GPD1L: variants seen among roughly 807,000 people sequenced by gnomAD.
The protein encoded by GPD1L is glycerol-3-phosphate dehydrogenase 1-like protein.
GPD1L carries 17 observed loss-of-function variants against 32.9 expected under a neutral mutation model. The ratio of observed to expected loss-of-function variants is 0.52; its 90% CI spans 0.35 to 0.78. The LOEUF (loss-of-function observed/expected upper bound fraction) is 0.78, where lower values mean the gene tolerates loss of function less well. GPD1L is among the 30% of genes least tolerant of loss of function. GPD1L has a pLI of 0.01. For missense variants in GPD1L, 361 were observed against 447.8 expected, an observed-to-expected ratio of 0.81 and a Z score of 1.75; for synonymous variants, 187 against 165.9, an observed-to-expected ratio of 1.13 and a Z score of -0.98.
At chr3:32,150,217 T>A (rs976844305) in intron 5 of GPD1L, among the ~76,000 whole-genome samples, 1 of 152,218 alleles carries the variant, frequency 6.6e-6, no homozygotes, top group African/African-American at 2.4e-5. Flanking sequence ...ATGCACTCTT[T>A]TGTGTCTGGC....
chr3:32,123,827 TAGATAGATAGATAGAC>T lies in GPD1L; in HGVS notation c.48-4245_48-4230del, dbSNP rs1487511917. Reference sequence around the variant, plus strand: ...ATAGATAGATAGATAGATAGATAGATAGATAGATAGATAGACAGACAGATAAGACCCATGCCTGACT... The same window carrying T: ...ATAGATAGATAGATAGATAGATAGATAGACAGATAAGACCCATGCCTGACT... On this transcript the variant is annotated intron_variant, in intron 1 of 7. Transcript: ENST00000282541. 9.3e-4 allele frequency among the ~76,000 whole-genome samples: 138 copies of T among 148,920 alleles called. 1 individual carries two copies. The highest frequency in any genetic ancestry group is 3.3e-3 in the African/African-American group (133 of 40,726).
Position 32,112,357 on chromosome 3 carries a change from G to A in GPD1L, c.47+5599G>A, listed in dbSNP as rs889311647. Among the ~76,000 whole-genome samples the A allele has an allele frequency of 6.9e-5, 10 of 145,178 alleles. 2 individuals carry two copies. The highest frequency in any genetic ancestry group is 5.4e-4 in the Admixed American group (8 of 14,800). ...TAAAATATAAATAAAACTCATGGCC[G>A]GGCGCAGTGGCTCATGCCTGTAATC... On this transcript the variant is annotated intron_variant, in intron 1 of 7. Transcript: ENST00000282541.
In GPD1L at chr3:32,106,672, C is replaced by A; in HGVS notation, c.-40C>A. On this transcript the variant is annotated 5_prime_UTR_variant, in exon 1 of 8. Coordinates refer to ENST00000282541, the MANE Select transcript of GPD1L (RefSeq NM_015141.4). The surrounding 1 kb of genome is among the most constrained non-coding windows in gnomAD (Gnocchi z 4.0). ...TGAACAGGCGGAGGTGGGCAGCCGGCCAGGGAAGCACGGTCCAGGCGGCTA... is the reference window on the plus strand; with the variant it reads ...TGAACAGGCGGAGGTGGGCAGCCGGACAGGGAAGCACGGTCCAGGCGGCTA... The A allele has an allele frequency of 6.7e-7, 1 of 1,500,330 alleles. No homozygotes were observed. Among genetic ancestry groups the A allele is most frequent in the Non-Finnish European group, 8.9e-7 (1 of 1,121,588 alleles). 92.9% of individuals were successfully genotyped at this position (1,500,330 alleles called of 1,614,324 possible).
intron 1 of GPD1L, among the ~76,000 whole-genome samples, chr3:32,123,839 T>TAGATAGATAGATAGATAGATAGATAGAC (rs58722314): frequency 3.8e-4 from 51 of 134,584 alleles, no homozygotes; most frequent in African/African-American, 1.7e-4. Flanking sequence ...GATAGATAGA[T>TAGATAGATAGATAGATAGATAGATAGAC]AGACAGACAG....
intron 5 of GPD1L, 35 bp from the exon 6 acceptor site, chr3:32,158,841 G>A: frequency 6.2e-7 from 1 of 1,606,264 alleles, no homozygotes; most frequent in Non-Finnish European, 8.5e-7. Flanking sequence ...GGTGGGTGCT[G>A]TAACGGCATC....
intron 5 of GPD1L, among the ~76,000 whole-genome samples, chr3:32,152,698 A>G (rs1479218855): frequency 6.6e-6 from 1 of 152,160 alleles, no homozygotes. Context: ...CCGAATTTCA[A>G]CATGGGTTTT....
chr3:32,129,486 G>T (rs898592470), intron 2 of GPD1L, among the ~76,000 whole-genome samples: 3 of 152,142 alleles, frequency 2.0e-5, no homozygotes, highest in African/African-American at 7.2e-5. Context: ...TGATACTACT[G>T]GTTTTCCTAT....
At chr3:32,121,659 C>CGAAA (rs1700419734) in intron 1 of GPD1L, among the ~76,000 whole-genome samples, 1 of 123,492 alleles carries the variant, frequency 8.1e-6, no homozygotes. Context: ...ATATATATTT[C>CGAAA]TATATATATT....
chr3:32,123,396 A>G (rs1166533941), intron 1 of GPD1L, among the ~76,000 whole-genome samples: 1 of 152,134 alleles, frequency 6.6e-6, no homozygotes, highest in Non-Finnish European at 1.5e-5. Flanking sequence ...CATGCTGGAG[A>G]GATGGTAACC....
intron 2 of GPD1L, among the ~76,000 whole-genome samples, chr3:32,133,510 G>A (rs933368670): frequency 3.9e-5 from 6 of 152,076 alleles, no homozygotes; most frequent in South Asian, 4.1e-4. Flanking sequence ...CTGTAGGCTC[G>A]AAAAGACCTT....
intron 2 of GPD1L, among the ~76,000 whole-genome samples, chr3:32,129,897 G>T (rs1221911941): frequency 6.6e-6 from 1 of 152,098 alleles, no homozygotes; most frequent in Non-Finnish European, 1.5e-5. Flanking sequence ...AGAATTGGTT[G>T]CCCCTTCCCT....
intron 1 of GPD1L, among the ~76,000 whole-genome samples, chr3:32,123,519 C>A (rs1284856778): frequency 6.6e-6 from 1 of 152,104 alleles, no homozygotes; most frequent in Non-Finnish European, 1.5e-5. Context: ...GTACCCATTT[C>A]TCACTTTGGG....
chr3:32,115,169 T>C (rs1356420457), intron 1 of GPD1L, among the ~76,000 whole-genome samples: 2 of 152,198 alleles, frequency 1.3e-5, no homozygotes, highest in African/African-American at 4.8e-5. Context: ...TACAGAGTGC[T>C]GATTGATGCA....
intron 1 of GPD1L, among the ~76,000 whole-genome samples, chr3:32,115,994 T>G (rs1700328479): frequency 6.6e-6 from 1 of 151,996 alleles, no homozygotes; most frequent in African/African-American, 2.4e-5. Context: ...TTCACCGTGT[T>G]AGCCAGGATG....
intron 1 of GPD1L, among the ~76,000 whole-genome samples, chr3:32,120,173 T>C (rs1337945748): frequency 6.6e-6 from 1 of 152,010 alleles, no homozygotes; most frequent in Non-Finnish European, 1.5e-5. Flanking sequence ...CAAAATTTAG[T>C]TGGGTGTGGT....
intron 1 of GPD1L, among the ~76,000 whole-genome samples, chr3:32,110,989 C>G (rs1559567016): frequency 2.6e-5 from 4 of 152,224 alleles, no homozygotes; most frequent in South Asian, 4.1e-4. Context: ...CCTCCGCCTT[C>G]TGAGTAGCTG....
At chr3:32,165,129 C>G (rs890353479) in intron 7 of GPD1L, among the ~76,000 whole-genome samples, 2 of 152,172 alleles carry the variant, frequency 1.3e-5, no homozygotes, top group Non-Finnish European at 2.9e-5. Flanking sequence ...TCGCTTGAAT[C>G]CAGGAGGCAG....
intron 1 of GPD1L, among the ~76,000 whole-genome samples, chr3:32,108,575 C>T (rs949833037): frequency 2.0e-5 from 3 of 152,158 alleles, no homozygotes; most frequent in African/African-American, 4.8e-5. Flanking sequence ...AACAGTGAAA[C>T]ATCACCCATC....
At chr3:32,143,071 C>A (rs552075774) in intron 4 of GPD1L, among the ~76,000 whole-genome samples, 3 of 152,040 alleles carry the variant, frequency 2.0e-5, no homozygotes, top group Non-Finnish European at 4.4e-5. Flanking sequence ...GTAGTCCCAG[C>A]TACTCAGGAG....
Sources: allele counts gnomAD v4.1 joint callset (sites outside exome capture counted in the v4.1 genomes callset), GRCh38; gene constraint gnomAD v4.1.1; non-coding constraint Gnocchi (gnomAD v3.1); transcripts MANE v1.5; gene names NCBI Gene and HGNC (gene_info 2026-07-23, HGNC 2026-07-21).